VAV3: variants seen among roughly 807,000 people sequenced by gnomAD.
VAV3 encodes guanine nucleotide exchange factor VAV3.
VAV3 carries 94 observed loss-of-function variants against 131.2 expected under a neutral mutation model. The ratio of observed to expected loss-of-function variants is 0.72; its 90% CI spans 0.61 to 0.85. VAV3 has a LOEUF of 0.85. Among genes scored for constraint, VAV3 ranks in the 40% least tolerant of loss-of-function variants. VAV3 has a pLI of 0.00. For missense variants in VAV3, 939 were observed against 1,002.7 expected (o/e 0.94, Z 0.86); for synonymous variants, 349 against 342.0 (o/e 1.02, Z -0.22).
At chr1:107,938,180 T>TG (rs1257588438) in intron 1 of VAV3, among the ~76,000 whole-genome samples, 1 of 151,946 alleles carries the variant, frequency 6.6e-6, no homozygotes, top group Non-Finnish European at 1.5e-5. Flanking sequence ...AGAATGAAAA[T>TG]GGGAAACAAT....
chr1:107,807,038 C>G (rs1300526254), intron 2 of VAV3, among the ~76,000 whole-genome samples: 1 of 152,038 alleles, frequency 6.6e-6, no homozygotes, highest in Admixed American at 6.6e-5. Context: ...AGTACAGATG[C>G]TTTTTTCCTC....
At chr1:107,678,459 C>T (rs959707127) in intron 19 of VAV3, among the ~76,000 whole-genome samples, 1 of 151,966 alleles carries the variant, frequency 6.6e-6, no homozygotes, top group Non-Finnish European at 1.5e-5. Context: ...ATTTGTCTCC[C>T]TCATAAAAAA....
chr1:107,785,654 T>C, intron 2 of VAV3: 14 of 1,117,348 alleles, frequency 1.3e-5, no homozygotes, highest in Non-Finnish European at 1.5e-5. Flanking sequence ...TGTGGGGTTG[T>C]GGAGAAAAAC....
At chr1:107,912,501 T>C (rs761486022) in intron 1 of VAV3, among the ~76,000 whole-genome samples, 23 of 152,158 alleles carry the variant, frequency 1.5e-4, no homozygotes, top group South Asian at 1.2e-3. Context: ...GTGTTGAGAG[T>C]GGACAGGACC....
chr1:107,649,997 G>C (rs766184055), intron 19 of VAV3, among the ~76,000 whole-genome samples: 1 of 152,004 alleles, frequency 6.6e-6, no homozygotes, highest in Non-Finnish European at 1.5e-5. Context: ...TGTGTGGAGT[G>C]GGGGATGCTT....
At chr1:107,768,164 A>C (rs891096838) in intron 7 of VAV3, among the ~76,000 whole-genome samples, 1 of 152,142 alleles carries the variant, frequency 6.6e-6, no homozygotes, top group Non-Finnish European at 1.5e-5. Context: ...ATTATTTGAG[A>C]CTACCTCTTC....
At chr1:107,745,289 C>T (rs1663270779) in intron 15 of VAV3, among the ~76,000 whole-genome samples, 1 of 152,122 alleles carries the variant, frequency 6.6e-6, no homozygotes, top group Non-Finnish European at 1.5e-5. Context: ...ATTATGCCCC[C>T]CAGAACTACA....
intron 15 of VAV3, among the ~76,000 whole-genome samples, chr1:107,715,145 C>T (rs746884465): frequency 2.0e-5 from 3 of 152,096 alleles, no homozygotes; most frequent in Non-Finnish European, 2.9e-5. Flanking sequence ...ACTATACCTG[C>T]CCTTCCTACC....
intron 20 of VAV3, among the ~76,000 whole-genome samples, chr1:107,626,578 G>A (rs749594009): frequency 8.5e-5 from 13 of 152,150 alleles, no homozygotes; most frequent in Non-Finnish European, 1.0e-4. Flanking sequence ...TTACTCAAGG[G>A]ATGGGGTTAA....
At chr1:107,917,418 CAA>C (rs1672677076) in intron 1 of VAV3, among the ~76,000 whole-genome samples, 2 of 152,162 alleles carry the variant, frequency 1.3e-5, no homozygotes, top group African/African-American at 4.8e-5. Context: ...TAAGATTCAA[CAA>C]GTTAGGTAAC....
chr1:107,629,480 T>A (rs928070401), intron 20 of VAV3, among the ~76,000 whole-genome samples: 1 of 152,196 alleles, frequency 6.6e-6, no homozygotes, highest in Non-Finnish European at 1.5e-5. Context: ...ACGATCAGAA[T>A]TGTCCTGCAT....
At chr1:107,839,878 A>C (rs896867077) in intron 2 of VAV3, among the ~76,000 whole-genome samples, 6 of 152,176 alleles carry the variant, frequency 3.9e-5, no homozygotes, top group Non-Finnish European at 7.4e-5. Flanking sequence ...AAACGATAAC[A>C]AGGGAATACA....
At chr1:107,597,974 CAA>C (rs1651524376) in intron 24 of VAV3, among the ~76,000 whole-genome samples, 1 of 152,154 alleles carries the variant, frequency 6.6e-6, no homozygotes, top group Non-Finnish European at 1.5e-5. Context: ...TGAACTTAGG[CAA>C]AGTCACATAG....
At chr1:107,640,809 G>A (rs1655282119) in intron 20 of VAV3, among the ~76,000 whole-genome samples, 1 of 152,128 alleles carries the variant, frequency 6.6e-6, no homozygotes, top group South Asian at 2.1e-4. Context: ...GGAAGAGGGT[G>A]AAAGAGTGTC....
chr1:107,765,247 A>C (rs548542939), intron 8 of VAV3, 72 bp from the exon 9 acceptor site: 2 of 1,174,628 alleles, frequency 1.7e-6, no homozygotes, highest in Admixed American at 3.7e-5. Context: ...AACAAGCAGA[A>C]TCTTCATCTC....
chr1:107,722,840 CTT>C (rs374127110), intron 15 of VAV3, among the ~76,000 whole-genome samples: 12 of 129,810 alleles, frequency 9.2e-5, no homozygotes, highest in Non-Finnish European at 1.1e-4. Flanking sequence ...ATTATCCTCT[CTT>C]TTTTTTTTTT....
At chr1:107,956,701 G>A (rs933687074) in intron 1 of VAV3, among the ~76,000 whole-genome samples, 1 of 152,128 alleles carries the variant, frequency 6.6e-6, no homozygotes, top group African/African-American at 2.4e-5. Flanking sequence ...GAACATTAAA[G>A]AAATATAATC....
Position 107,770,623 on chromosome 1 carries a change from C to T in VAV3, c.648+13G>A. On this transcript the variant is annotated intron_variant, in intron 6 of 26. Coordinates refer to ENST00000370056, the MANE Select transcript of VAV3 (RefSeq NM_006113.5). ...CAGTATTTGGGCATCAAAAATAATA[C>T]CTGATGACTTACCTTTTCTATTGAC... is the stretch of plus-strand genomic sequence containing the variant. 2 of 1,549,672 alleles carry T rather than the reference C, an allele frequency of 1.3e-6. No homozygotes were observed. The highest frequency in any genetic ancestry group is 1.8e-6 in the Non-Finnish European group (2 of 1,122,622).
At chr1:107,882,321 A>G (rs533961479) in intron 1 of VAV3, among the ~76,000 whole-genome samples, 44 of 152,308 alleles carry the variant, frequency 2.9e-4, no homozygotes, top group African/African-American at 1.0e-3. Context: ...AGTTCTCAGT[A>G]GGACACTTGC....
Sources: gnomAD v4.1 joint callset for allele counts (sites outside exome capture counted in the v4.1 genomes callset) on GRCh38, gnomAD v4.1.1 for gene constraint, MANE v1.5 for transcripts, NCBI Gene and HGNC (gene_info 2026-07-23, HGNC 2026-07-21) for gene names.